The following EFCAB13 variants were observed in gnomAD, a reference collection of about 807,000 sequenced individuals.
EFCAB13 encodes EF-hand calcium-binding domain-containing protein 13.
A neutral mutation model predicts 110.2 loss-of-function variants in EFCAB13; 91 were observed. That is an observed-to-expected ratio of 0.83 (90% CI 0.70 to 0.98). EFCAB13 has a LOEUF of 0.98. EFCAB13 is among the 50% of genes least tolerant of loss of function. The pLI is 0.00. For missense variants in EFCAB13, 968 were observed against 1,119.4 expected, an observed-to-expected ratio of 0.86 and a Z score of 1.93; for synonymous variants, 323 against 369.9, an observed-to-expected ratio of 0.87 and a Z score of 1.45.
intron 13 of EFCAB13, among the ~76,000 whole-genome samples, chr17:47,378,968 G>A (rs914133251): frequency 5.3e-5 from 8 of 152,006 alleles, no homozygotes; most frequent in Non-Finnish European, 8.8e-5. Flanking sequence ...TGTATTCTCG[G>A]TGCCTAGCAT....
intron 23 of EFCAB13, among the ~76,000 whole-genome samples, chr17:47,423,018 G>T (rs1904773932): frequency 6.6e-6 from 1 of 152,138 alleles, no homozygotes. Flanking sequence ...CACTGCAATG[G>T]AGCACGGAAA....
Position 47,440,685 on chromosome 17 carries a change from G to A in EFCAB13, c.2893G>A (p.Ala965Thr), listed in dbSNP as rs763150384. 1 of 1,589,972 alleles carries A rather than the reference G, an allele frequency of 6.3e-7. No homozygotes were observed. Residue 965 changes from alanine (A) to threonine (T), a missense_variant, in exon 25 of 25, where the codon GCT becomes ACT. Coordinates refer to ENST00000331493, the MANE Select transcript of EFCAB13 (RefSeq NM_152347.5). ...CTGTTTGAATTCTAAGGCAAATATT[G>A]CTAAGCTTAACCCAAACTCAAAATT... ...NFCLNSKANI[A>T]KLNPNSKF
chr17:47,333,135 A>G (rs927589391), intron 4 of EFCAB13, among the ~76,000 whole-genome samples: 3 of 152,158 alleles, frequency 2.0e-5, no homozygotes, highest in Non-Finnish European at 4.4e-5. Flanking sequence ...ATCTAACAGA[A>G]TAGTGTGAGA....
rs1315714692 is a variant in EFCAB13 at position 47,332,567 on chromosome 17, C to CA, written c.31-2626dup. Among the ~76,000 whole-genome samples, 4 of 151,706 alleles carry CA rather than the reference C, an allele frequency of 2.6e-5. No individual in the cohort carries two copies. In the East Asian group the frequency reaches 7.7e-4, roughly 29 times the overall value. On this transcript the variant is annotated intron_variant, in intron 4 of 24. Coordinates refer to ENST00000331493, the MANE Select transcript of EFCAB13 (RefSeq NM_152347.5). ...CCATTCCCCATCCCTCTTCCTCCCC[C>CA]AAACCTCTCCACCCCCCAGCCTCTG...
intron 14 of EFCAB13, among the ~76,000 whole-genome samples, chr17:47,381,732 C>T (rs1330673024): frequency 2.6e-5 from 4 of 152,104 alleles, no homozygotes; most frequent in African/African-American, 7.2e-5. Context: ...GTACCAGTAC[C>T]ATGCTGTTTG....
At chr17:47,334,794 G>C (rs2065339640) in intron 4 of EFCAB13, among the ~76,000 whole-genome samples, 1 of 151,940 alleles carries the variant, frequency 6.6e-6, no homozygotes, top group African/African-American at 2.4e-5. Context: ...GCATGTCTGT[G>C]GTCTCAGCTT....
At chr17:47,395,737 C>G in intron 16 of EFCAB13, 97 bp from the exon 17 acceptor site, 2 of 1,040,086 alleles carry the variant, frequency 1.9e-6, no homozygotes, top group Admixed American at 2.9e-5. Context: ...TCTTTTAAAC[C>G]ATAAAAACCT....
intron 10 of EFCAB13, 36 bp downstream of exon 10, chr17:47,361,557 A>C (rs748036932): frequency 6.6e-6 from 10 of 1,514,002 alleles, no homozygotes; most frequent in Non-Finnish European, 9.0e-6. Flanking sequence ...ATGTCCATAT[A>C]TATGTGCATA....
intron 5 of EFCAB13, chr17:47,339,997 G>A (rs2065374784): frequency 6.6e-6 from 1 of 152,124 alleles, no homozygotes; most frequent in Admixed American, 6.5e-5. Context: ...AGAGCCTACT[G>A]GAAGAGTCTC....
At chr17:47,380,328 G>T (rs1042423791) in intron 14 of EFCAB13, among the ~76,000 whole-genome samples, 11 of 152,112 alleles carry the variant, frequency 7.2e-5, no homozygotes, top group African/African-American at 2.7e-4. Context: ...AGAACATGTG[G>T]TGTTTGGTTT....
intron 14 of EFCAB13, among the ~76,000 whole-genome samples, chr17:47,380,153 C>T (rs996653431): frequency 3.3e-5 from 5 of 152,170 alleles, no homozygotes; most frequent in Non-Finnish European, 5.9e-5. Context: ...CATAGGTATA[C>T]ACATGCTATG....
intron 14 of EFCAB13, among the ~76,000 whole-genome samples, chr17:47,382,041 G>A (rs1476161225): frequency 1.1e-4 from 16 of 152,074 alleles, no homozygotes; most frequent in Admixed American, 1.0e-3. Flanking sequence ...TTGAGCAGTG[G>A]TTTGCAGTTC....
At chr17:47,420,074 A>AGTG (rs1904592498) in intron 23 of EFCAB13, among the ~76,000 whole-genome samples, 1 of 152,114 alleles carries the variant, frequency 6.6e-6, no homozygotes, top group South Asian at 2.1e-4. Flanking sequence ...CAGCCTGCCA[A>AGTG]GTGCCTGCAA....
intron 23 of EFCAB13, among the ~76,000 whole-genome samples, chr17:47,426,086 T>C (rs1904946941): frequency 6.6e-6 from 1 of 152,128 alleles, no homozygotes; most frequent in Non-Finnish European, 1.5e-5. Context: ...ATGATGGAAG[T>C]ATCTTGATAG....
intron 2 of EFCAB13, among the ~76,000 whole-genome samples, chr17:47,325,148 G>A (rs1338233073): frequency 2.0e-5 from 3 of 148,472 alleles, no homozygotes; most frequent in African/African-American, 7.5e-5. Flanking sequence ...AGTCTTTGGA[G>A]TAGCTGGGAC....
chr17:47,415,973 A>G (rs1186090832), intron 23 of EFCAB13, among the ~76,000 whole-genome samples: 1 of 151,956 alleles, frequency 6.6e-6, no homozygotes, highest in Non-Finnish European at 1.5e-5. Flanking sequence ...ACACCTACCA[A>G]AGAACTCTTC....
chr17:47,325,905 T>TTATATATATATAAACAAAATATATATATA (rs2065279808), intron 2 of EFCAB13, among the ~76,000 whole-genome samples: 2 of 128,162 alleles, frequency 1.6e-5, no homozygotes, highest in African/African-American at 3.0e-5. Flanking sequence ...AGGGCAGATT[T>TTATATATATATAAACAAAATATATATATA]TATATATATA....
At chr17:47,346,808 A>AT (rs1338581658) in intron 8 of EFCAB13, among the ~76,000 whole-genome samples, 1 of 151,826 alleles carries the variant, frequency 6.6e-6, no homozygotes, top group Non-Finnish European at 1.5e-5. Flanking sequence ...TATACTCAAT[A>AT]TTTTTTCAGA....
chr17:47,371,062 G>T (rs113331513), intron 11 of EFCAB13, among the ~76,000 whole-genome samples: 12,294 of 109,760 alleles, frequency 0.11, 1,156 homozygotes, highest in Middle Eastern at 0.18. Flanking sequence ...TTTAATGGTT[G>T]TTTTTTTTTT....
Sources: allele counts gnomAD v4.1 joint callset (sites outside exome capture counted in the v4.1 genomes callset), GRCh38; gene constraint gnomAD v4.1.1; transcripts MANE v1.5; gene names NCBI Gene and HGNC (gene_info 2026-07-23, HGNC 2026-07-21).